The following PKN2 variants were observed in gnomAD, a reference collection of about 807,000 sequenced individuals.
The protein encoded by PKN2 is protein kinase N2.
A neutral mutation model predicts 119.1 loss-of-function variants in PKN2; 38 were observed. The observed-to-expected ratio is 0.32, with a 90% CI of 0.25 to 0.42. The LOEUF is 0.42. PKN2 is among the 10% of genes least tolerant of loss of function. The pLI, the probability that PKN2 is intolerant of heterozygous loss-of-function variation, is 1.00. For synonymous variants in PKN2, 390 were observed against 384.9 expected (o/e 1.01, Z -0.15); for missense variants, 850 against 1,165.1 (o/e 0.73, Z 3.94).
intron 6 of PKN2, among the ~76,000 whole-genome samples, chr1:88,782,775 C>T (rs1007502667): frequency 3.9e-5 from 6 of 152,148 alleles, no homozygotes; most frequent in African/African-American, 1.4e-4. Context: ...GTCAGTTAAG[C>T]CACTAAGCTT....
At position 88,684,327 on chromosome 1, in the gene PKN2, G is replaced by A. The variant is rs1665973963; in HGVS notation, c.-254G>A. The A allele has an allele frequency of 4.7e-6, 2 of 422,970 alleles. No individual in the cohort carries two copies. The highest frequency in any genetic ancestry group is 8.4e-6 in the Non-Finnish European group (2 of 237,716). 26.2% of individuals were successfully genotyped at this position (422,970 alleles called of 1,614,324 possible). On this transcript the variant is annotated 5_prime_UTR_variant, in exon 1 of 22. Transcript: ENST00000370521. ...GAGGCGGCTCCTGGCGTCGCCCAGA[G>A]GGAGCGACTAGACGAACAGTCCGGT...
chr1:88,705,947 CT>C (rs1164286505), intron 1 of PKN2, among the ~76,000 whole-genome samples: 3 of 151,938 alleles, frequency 2.0e-5, no homozygotes, highest in Non-Finnish European at 4.4e-5. Flanking sequence ...ATTTACTCTC[CT>C]TTTTCAAATT....
intron 8 of PKN2, among the ~76,000 whole-genome samples, chr1:88,786,837 T>C (rs1003101145): frequency 2.0e-5 from 3 of 152,026 alleles, no homozygotes; most frequent in African/African-American, 7.2e-5. Context: ...GTTGATGGTA[T>C]ATATGTTATT....
In PKN2 at chr1:88,787,367, G is replaced by A. The variant is rs543699433; in HGVS notation, c.1281+1154G>A. On this transcript the variant is annotated intron_variant, in intron 8 of 21. Transcript: ENST00000370521. ...AGATTTTTCTTATAACAAGGTTATT[G>A]TTAATAAAGTTTTATATTGAAAAGA... 5.3e-5 allele frequency among the ~76,000 whole-genome samples: 8 copies of A among 152,158 alleles called. No homozygotes were observed. The East Asian group carries it at 9.7e-4, about 18-fold the overall frequency.
intron 16 of PKN2, among the ~76,000 whole-genome samples, chr1:88,813,976 A>G (rs1195748427): frequency 6.6e-6 from 1 of 152,174 alleles, no homozygotes; most frequent in East Asian, 1.9e-4. Context: ...ATTTAGATTC[A>G]TTTTAGTAAA....
chr1:88,686,453 G>A (rs1004426655), intron 1 of PKN2, among the ~76,000 whole-genome samples: 7 of 151,922 alleles, frequency 4.6e-5, no homozygotes, highest in African/African-American at 1.7e-4. Context: ...AAGCAAAGAA[G>A]GAAGAAATTT....
intron 3 of PKN2, among the ~76,000 whole-genome samples, chr1:88,767,843 C>G (rs1669726200): frequency 6.6e-6 from 1 of 151,940 alleles, no homozygotes; most frequent in Non-Finnish European, 1.5e-5. Context: ...ACTTTTATTC[C>G]CCTTATCTCC....
At chr1:88,768,898 C>T (rs1189620271) in intron 3 of PKN2, among the ~76,000 whole-genome samples, 2 of 152,156 alleles carry the variant, frequency 1.3e-5, no homozygotes, top group African/African-American at 4.8e-5. Flanking sequence ...AGGAAGCTTA[C>T]AGTCGTGATG....
intron 16 of PKN2, among the ~76,000 whole-genome samples, chr1:88,815,632 T>G (rs957811377): frequency 5.9e-5 from 9 of 152,228 alleles, no homozygotes; most frequent in Non-Finnish European, 8.8e-5. Context: ...TCAAAATAGC[T>G]TGATTTCTAG....
intron 6 of PKN2, chr1:88,781,214 C>T (rs10489887): frequency 0.029 from 33,292 of 1,160,608 alleles, 1,329 homozygotes; most frequent in African/African-American, 0.18. Context: ...ATTTGTGGTT[C>T]GTCTCATACT....
At chr1:88,725,994 T>A (rs1422058514) in intron 1 of PKN2, among the ~76,000 whole-genome samples, 1 of 152,212 alleles carries the variant, frequency 6.6e-6, no homozygotes, top group Non-Finnish European at 1.5e-5. Flanking sequence ...TTAACTTTGT[T>A]GTCTACACAG....
chr1:88,798,791 C>T (rs889844618), intron 8 of PKN2, among the ~76,000 whole-genome samples: 1 of 152,192 alleles, frequency 6.6e-6, no homozygotes, highest in African/African-American at 2.4e-5. Flanking sequence ...AGAATGATGA[C>T]AACCATGAGT....
intron 6 of PKN2, chr1:88,780,970 A>T (rs1020573207): frequency 2.1e-6 from 1 of 471,948 alleles, no homozygotes; most frequent in Admixed American, 6.4e-5. Context: ...TCCTCATTCC[A>T]TTACTGAACT....
chr1:88,771,642 A>C, intron 5 of PKN2, 21 bp from the exon 6 acceptor site: 1 of 1,601,192 alleles, frequency 6.2e-7, no homozygotes, highest in Non-Finnish European at 8.6e-7. Context: ...AATGACAACA[A>C]TTGTCTTTTC....
intron 3 of PKN2, among the ~76,000 whole-genome samples, chr1:88,762,610 A>G (rs1669492938): frequency 6.6e-6 from 1 of 152,188 alleles, no homozygotes; most frequent in Non-Finnish European, 1.5e-5. Context: ...ATGGTGCCTT[A>G]TTACATAGCA....
chr1:88,832,928 A>G lies in PKN2; in HGVS notation c.2670+77A>G, dbSNP rs74097831. 690 of 1,204,264 alleles carry G rather than the reference A, an allele frequency of 5.7e-4. 2 individuals are homozygous for G. In the African/African-American group the frequency reaches 9.3e-3, roughly 16 times the overall value. The allele number at this position is 1,204,264 out of a possible 1,614,324, so 74.6% of individuals were successfully genotyped here. On this transcript the variant is annotated intron_variant, in intron 20 of 21. Transcript: ENST00000370521. ...ATACTAAAGAAAATTTCCCAGTAGAACTTTAAAAGCTGTTTTTCAGTTCAT... is the reference window on the plus strand; with the variant it reads ...ATACTAAAGAAAATTTCCCAGTAGAGCTTTAAAAGCTGTTTTTCAGTTCAT...
intron 8 of PKN2, among the ~76,000 whole-genome samples, chr1:88,797,431 CAA>C (rs1433493469): frequency 3.3e-5 from 5 of 150,970 alleles, no homozygotes; most frequent in Non-Finnish European, 7.4e-5. Flanking sequence ...ATCACGAGGT[CAA>C]GAGATCAAGA....
At chr1:88,743,781 A>G (rs1287580071) in intron 2 of PKN2, among the ~76,000 whole-genome samples, 1 of 152,202 alleles carries the variant, frequency 6.6e-6, no homozygotes, top group Non-Finnish European at 1.5e-5. Context: ...ATTAGTATCA[A>G]AGCCTAATTA....
chr1:88,697,328 T>C (rs551537298), intron 1 of PKN2, among the ~76,000 whole-genome samples: 11 of 152,120 alleles, frequency 7.2e-5, no homozygotes, highest in Admixed American at 1.3e-4. Context: ...TAAAAAACAT[T>C]ATATGACCAA....
Sources: gnomAD v4.1 joint callset for allele counts (sites outside exome capture counted in the v4.1 genomes callset) on GRCh38, gnomAD v4.1.1 for gene constraint, MANE v1.5 for transcripts, NCBI Gene and HGNC (gene_info 2026-07-23, HGNC 2026-07-21) for gene names.